The following MAGI1 variants were observed in gnomAD, a reference collection of about 807,000 sequenced individuals.
MAGI1 encodes the protein membrane associated guanylate kinase, WW and PDZ domain containing 1, also known as membrane-associated guanylate kinase, WW and PDZ domain-containing protein 1.
In MAGI1, 58 loss-of-function variants were observed where a neutral mutation model predicts 139.9. That is an observed-to-expected ratio of 0.41 (90% confidence interval 0.34 to 0.52). MAGI1 has a LOEUF of 0.52. MAGI1 is among the 20% of genes least tolerant of loss of function. MAGI1 has a pLI of 0.12. For missense variants in MAGI1, 1,874 were observed against 1,901.6 expected (o/e 0.99, Z 0.27); for synonymous variants, 812 against 737.9 (o/e 1.10, Z -1.63).
chr3:65,819,452 T>C (rs1179066891), intron 1 of MAGI1, among the ~76,000 whole-genome samples: 3 of 152,138 alleles, frequency 2.0e-5, no homozygotes, highest in Admixed American at 6.5e-5. Flanking sequence ...TAGTGACCAA[T>C]GTATACAAGT....
chr3:65,780,843 G>T (rs1343968717), intron 1 of MAGI1, among the ~76,000 whole-genome samples: 2 of 152,158 alleles, frequency 1.3e-5, no homozygotes, highest in East Asian at 3.9e-4. Flanking sequence ...GATTTGCACT[G>T]CTTATGGTAT....
chr3:65,654,570 T>A (rs1330510411), intron 1 of MAGI1, among the ~76,000 whole-genome samples: 1 of 152,208 alleles, frequency 6.6e-6, no homozygotes, highest in African/African-American at 2.4e-5. Flanking sequence ...CAAATCTCCA[T>A]TCAACACACA....
intron 12 of MAGI1, among the ~76,000 whole-genome samples, chr3:65,410,926 G>A (rs34663955): frequency 0.32 from 49,250 of 151,990 alleles, 8,541 homozygotes; most frequent in East Asian, 0.47. Flanking sequence ...GTTTCCTGAC[G>A]CTACCTAATA....
chr3:65,401,542 G>C (rs930211688), intron 12 of MAGI1, 72 bp from the exon 13 acceptor site: 1 of 1,576,140 alleles, frequency 6.3e-7, no homozygotes, highest in African/African-American at 1.3e-5. Flanking sequence ...TTTCCTTAAA[G>C]AACAATCCCC....
chr3:65,767,372 C>T (rs559689102), intron 1 of MAGI1, among the ~76,000 whole-genome samples: 10 of 151,510 alleles, frequency 6.6e-5, no homozygotes, highest in African/African-American at 2.4e-4. Context: ...TGGGAGGCCA[C>T]ATTAGGTAGA....
chr3:65,501,235 C>G (rs2077066969), intron 2 of MAGI1, among the ~76,000 whole-genome samples: 1 of 151,998 alleles, frequency 6.6e-6, no homozygotes, highest in Non-Finnish European at 1.5e-5. Flanking sequence ...AATCCCAGCA[C>G]TTTGGGAGGC....
chr3:65,567,604 A>G (rs1391343390), intron 2 of MAGI1, among the ~76,000 whole-genome samples: 2 of 152,232 alleles, frequency 1.3e-5, no homozygotes, highest in Non-Finnish European at 2.9e-5. Context: ...TGGGAAGCTG[A>G]GGCTGGTGGA....
At chr3:65,373,908 C>T (rs948494063) in intron 18 of MAGI1, among the ~76,000 whole-genome samples, 5 of 152,194 alleles carry the variant, frequency 3.3e-5, no homozygotes, top group African/African-American at 4.8e-5. Context: ...TTGGAATCAA[C>T]AATTTTAAAT....
At chr3:65,562,535 C>CTA (rs2080409996) in intron 2 of MAGI1, among the ~76,000 whole-genome samples, 1 of 152,102 alleles carries the variant, frequency 6.6e-6, no homozygotes, top group Admixed American at 6.6e-5. Flanking sequence ...GTTTCCCAGG[C>CTA]TATAGTACAG....
At chr3:65,698,844 A>G (rs1403796047) in intron 1 of MAGI1, among the ~76,000 whole-genome samples, 1 of 137,256 alleles carries the variant, frequency 7.3e-6, no homozygotes, top group African/African-American at 2.9e-5. Context: ...AAACACCAAA[A>G]GCAATGGCAA....
At chr3:65,779,085 C>A (rs1352147786) in intron 1 of MAGI1, among the ~76,000 whole-genome samples, 1 of 152,194 alleles carries the variant, frequency 6.6e-6, no homozygotes, top group Non-Finnish European at 1.5e-5. Flanking sequence ...CTGTAGCAAC[C>A]CACAAAATGA....
At chr3:65,817,166 A>G (rs1312820781) in intron 1 of MAGI1, among the ~76,000 whole-genome samples, 1 of 152,194 alleles carries the variant, frequency 6.6e-6, no homozygotes, top group Admixed American at 6.6e-5. Context: ...CTACATGACT[A>G]CATATGTCAA....
intron 1 of MAGI1, among the ~76,000 whole-genome samples, chr3:65,796,099 C>T (rs566005415): frequency 5.3e-5 from 8 of 150,780 alleles, no homozygotes; most frequent in African/African-American, 1.9e-4. Flanking sequence ...ATTGGCTTCA[C>T]AGGACTGCGG....
intron 1 of MAGI1, among the ~76,000 whole-genome samples, chr3:65,819,875 C>CATAAAAAAAAAAAAAAAAAA (rs2041839711): frequency 3.0e-5 from 1 of 33,454 alleles, no homozygotes. Context: ...GACTCCATCT[C>CATAAAAAAAAAAAAAAAAAA]AAAAAAAAAA....
At chr3:65,701,454 T>C (rs1339961522) in intron 1 of MAGI1, among the ~76,000 whole-genome samples, 3 of 152,198 alleles carry the variant, frequency 2.0e-5, no homozygotes, top group African/African-American at 4.8e-5. Flanking sequence ...GGTTTCGCCA[T>C]GTTGGCCAGG....
intron 18 of MAGI1, among the ~76,000 whole-genome samples, chr3:65,372,781 A>ATGGTT (rs1192265441): frequency 2.6e-5 from 4 of 152,112 alleles, no homozygotes; most frequent in African/African-American, 9.7e-5. Context: ...TGTTACGGAG[A>ATGGTT]TGGTTTATTT....
chr3:65,792,463 T>C (rs2039849407), intron 1 of MAGI1, among the ~76,000 whole-genome samples: 1 of 151,896 alleles, frequency 6.6e-6, no homozygotes, highest in South Asian at 2.1e-4. Flanking sequence ...TCTCAAACGA[T>C]GATAATAATA....
chr3:65,819,875 C>CA (rs3077818), intron 1 of MAGI1, among the ~76,000 whole-genome samples: 1,999 of 33,194 alleles, frequency 0.06, 179 homozygotes, highest in Middle Eastern at 0.096. Context: ...GACTCCATCT[C>CA]AAAAAAAAAA....
At chr3:65,637,268 G>C (rs1419655494) in intron 1 of MAGI1, among the ~76,000 whole-genome samples, 1 of 151,876 alleles carries the variant, frequency 6.6e-6, no homozygotes, top group Non-Finnish European at 1.5e-5. Flanking sequence ...AAAAAATATT[G>C]CAAGCTGGGC....
Sources: gnomAD v4.1 joint callset for allele counts (sites outside exome capture counted in the v4.1 genomes callset) on GRCh38, gnomAD v4.1.1 for gene constraint, MANE v1.5 for transcripts, NCBI Gene and HGNC (gene_info 2026-07-23, HGNC 2026-07-21) for gene names.